Variants in ASAP1 observed in about 807,000 individuals in gnomAD.
ASAP1 encodes ArfGAP with SH3 domain, ankyrin repeat and PH domain 1, also known as arf-GAP with SH3 domain, ANK repeat and PH domain-containing protein 1.
Under a neutral mutation model 145.2 loss-of-function variants are expected in ASAP1, and 43 were observed. The observed-to-expected ratio is 0.30, with a 90% CI of 0.23 to 0.38. The LOEUF (loss-of-function observed/expected upper bound fraction) is 0.38, where lower values mean the gene tolerates loss of function less well. Among genes scored for constraint, ASAP1 ranks in the 10% least tolerant of loss-of-function variants. ASAP1 has a pLI of 1.00. For missense variants in ASAP1, 1,018 were observed against 1,355.3 expected (o/e 0.75, Z 3.91); for synonymous variants, 546 against 515.5 (o/e 1.06, Z -0.80).
chr8:130,081,106 A>G (rs1158676067), intron 25 of ASAP1, among the ~76,000 whole-genome samples: 1 of 152,252 alleles, frequency 6.6e-6, no homozygotes, highest in African/African-American at 2.4e-5. Flanking sequence ...GTTGCTGTCA[A>G]TTGAGGAGAA....
chr8:130,251,032 ATAAC>A (rs1819164872), intron 3 of ASAP1, among the ~76,000 whole-genome samples: 1 of 152,214 alleles, frequency 6.6e-6, no homozygotes. Context: ...AAATAATTAA[ATAAC>A]TAATTACAAT....
chr8:130,054,791 T>C lies in ASAP1; in HGVS notation c.3330A>G (p.Glu1110=), dbSNP rs1437189197. The C allele has an allele frequency of 6.2e-7, 1 of 1,613,538 alleles. No individual in the cohort carries two copies. Among genetic ancestry groups the C allele is most frequent in the South Asian group, 1.1e-5 (1 of 91,072 alleles). The change falls in exon 30 of 30, where the codon GAA becomes GAG. Residue 1110 remains glutamate, a synonymous_variant. Transcript: ENST00000518721. ...AGACCCCCTTCCTTTCAGGCTGTCC[T>C]TCGATGTGGCCAATCTGCAGGGAGA... ...EDQEWWIGHI[E]GQPERKGVFP...
intron 17 of ASAP1, 122 bp from the exon 18 acceptor site, chr8:130,124,226 A>AACC (rs2097571307): frequency 2.8e-6 from 2 of 718,092 alleles, no homozygotes; most frequent in East Asian, 5.6e-5. Context: ...TTAGAATACA[A>AACC]ACCACCGTCC....
Position 130,373,133 on chromosome 8 carries a change from C to T in ASAP1, c.60-14990G>A, listed in dbSNP as rs1018455819. On this transcript the variant is annotated intron_variant, in intron 2 of 29. Transcript: ENST00000518721. ...ATATACACACACACACACACACACA[C>T]ACACACACACACACACAGAGTCTCA... Among the ~76,000 whole-genome samples the T allele has an allele frequency of 2.4e-3, 364 of 150,406 alleles. 2 individuals are homozygous for T. Among genetic ancestry groups the T allele is most frequent in the African/African-American group, 8.5e-3 (347 of 40,850 alleles).
chr8:130,274,261 G>A (rs1398680207), intron 3 of ASAP1, among the ~76,000 whole-genome samples: 1 of 152,220 alleles, frequency 6.6e-6, no homozygotes, highest in East Asian at 1.9e-4. Context: ...GAAGATGGAA[G>A]AAGTGGCATG....
rs2791341 is a variant in ASAP1 at position 130,297,978 on chromosome 8, C to T, written c.186+60039G>A. 5.9e-3 allele frequency among the ~76,000 whole-genome samples: 896 copies of T among 152,304 alleles called. 4 individuals carry two copies. Among genetic ancestry groups the T allele is most frequent in the Non-Finnish European group, 7.9e-3 (538 of 68,022 alleles). ...ATCACATAACTGGGAGCTGAAACAT[C>T]TGGGTTCCAGTCCCAATTCTCTGTG... On this transcript the variant is annotated intron_variant, in intron 3 of 29. Coordinates refer to ENST00000518721, the MANE Select transcript of ASAP1 (RefSeq NM_018482.4).
intron 5 of ASAP1, among the ~76,000 whole-genome samples, chr8:130,213,246 G>T (rs529795845): frequency 6.6e-6 from 1 of 152,218 alleles, no homozygotes; most frequent in East Asian, 1.9e-4. Context: ...TTCTATGTTC[G>T]ATATTTATTT....
chr8:130,396,788 A>G (rs538312704), intron 2 of ASAP1, among the ~76,000 whole-genome samples: 7 of 152,240 alleles, frequency 4.6e-5, no homozygotes, highest in Non-Finnish European at 1.0e-4. Flanking sequence ...CTGTGGCATG[A>G]TAATGACAGG....
intron 3 of ASAP1, among the ~76,000 whole-genome samples, chr8:130,250,163 T>C (rs540899142): frequency 4.1e-4 from 63 of 152,242 alleles, no homozygotes; most frequent in African/African-American, 1.3e-3. Context: ...TGTCCCTATT[T>C]TGCATCCTCT....
intron 23 of ASAP1, among the ~76,000 whole-genome samples, chr8:130,112,805 T>C (rs1390595495): frequency 6.6e-6 from 1 of 152,216 alleles, no homozygotes; most frequent in Non-Finnish European, 1.5e-5. Flanking sequence ...TACACAATAA[T>C]TACTTACAGA....
rs2097685710 is a variant in ASAP1, at chr8:130,168,945, T to C, written c.822+47A>G. The C allele has an allele frequency of 2.6e-6, 3 of 1,140,476 alleles. No homozygotes were observed. The South Asian group carries it at 4.2e-5, about 16-fold the overall frequency. The allele number at this position is 1,140,476 out of a possible 1,614,324, so 70.6% of individuals were successfully genotyped here. A position where few individuals can be genotyped will look rare whatever the true frequency, so the allele number is the denominator to read the frequency against. The stretch of plus-strand genomic sequence containing the variant: ...TACAGATTTCAAATTTACTGAAACT[T>C]ATCCATGAAAGCAAGTTAAACTGCA... On this transcript the variant is annotated intron_variant, in intron 10 of 29. Transcript: ENST00000518721.
At chr8:130,376,595 G>A (rs915548808) in intron 2 of ASAP1, among the ~76,000 whole-genome samples, 5 of 152,182 alleles carry the variant, frequency 3.3e-5, no homozygotes, top group African/African-American at 9.6e-5. Flanking sequence ...CCATGATGGC[G>A]CGTGCCTGTA....
At chr8:130,319,623 G>A (rs1823879029) in intron 3 of ASAP1, among the ~76,000 whole-genome samples, 1 of 152,184 alleles carries the variant, frequency 6.6e-6, no homozygotes, top group Non-Finnish European at 1.5e-5. Context: ...ACTGGGCAAT[G>A]TTCAAAAGCC....
intron 25 of ASAP1, among the ~76,000 whole-genome samples, chr8:130,082,467 G>T (rs1232265829): frequency 2.1e-5 from 3 of 145,890 alleles, no homozygotes; most frequent in Non-Finnish European, 3.0e-5. Flanking sequence ...CTCCCAAAGT[G>T]TTAGGATTAC....
chr8:130,174,091 CAAAAAAAAAAAAA>C (rs57123447), intron 9 of ASAP1, among the ~76,000 whole-genome samples: 4 of 62,734 alleles, frequency 6.4e-5, no homozygotes, highest in Non-Finnish European at 1.1e-4. Context: ...ACTCCGTCTC[CAAAAAAAAAAAAA>C]AAAAAAAAAA....
intron 13 of ASAP1, among the ~76,000 whole-genome samples, chr8:130,143,514 C>A (rs1411748530): frequency 6.6e-6 from 1 of 151,888 alleles, no homozygotes; most frequent in Non-Finnish European, 1.5e-5. Flanking sequence ...TTTACACACC[C>A]CTCTCCTACA....
In ASAP1 at chr8:130,052,743, T is replaced by G. The variant is rs1480297267; in HGVS notation, c.*1988A>C. On this transcript the variant is annotated 3_prime_UTR_variant, in exon 30 of 30. Transcript: ENST00000518721. ...GTTTTTTTTTTGTTTTTGTTTTTTTTTTTTTTTTGAAAAAAACCAGTTTAT... is the reference window on the plus strand; with the variant it reads ...GTTTTTTTTTTGTTTTTGTTTTTTTGTTTTTTTTGAAAAAAACCAGTTTAT... The G allele has an allele frequency of 6.6e-6, 1 of 150,770 alleles. No individual in the cohort carries two copies. The highest frequency in any genetic ancestry group is 1.9e-4 in the East Asian group (1 of 5,198). 9.3% of individuals were successfully genotyped at this position (150,770 alleles called of 1,614,324 possible).
intron 3 of ASAP1, among the ~76,000 whole-genome samples, chr8:130,305,795 A>G (rs1386068156): frequency 1.3e-5 from 2 of 152,138 alleles, no homozygotes; most frequent in East Asian, 1.9e-4. Context: ...CCCTTAAGCA[A>G]CTCCAAAACT....
chr8:130,380,941 G>C (rs1827739590), intron 2 of ASAP1, among the ~76,000 whole-genome samples: 1 of 152,084 alleles, frequency 6.6e-6, no homozygotes, highest in Non-Finnish European at 1.5e-5. Context: ...CTGGAGTGCA[G>C]TGGCGTGATC....
Sources: gnomAD v4.1 joint callset for allele counts (sites outside exome capture counted in the v4.1 genomes callset) on GRCh38, gnomAD v4.1.1 for gene constraint, MANE v1.5 for transcripts, NCBI Gene and HGNC (gene_info 2026-07-23, HGNC 2026-07-21) for gene names.